Variants in FHOD3 observed in about 807,000 individuals in gnomAD.
The protein encoded by FHOD3 is formin homology 2 domain containing 3, also known as FH1/FH2 domain-containing protein 3.
In FHOD3, 90 loss-of-function variants were observed where a neutral mutation model predicts 173.0. The ratio of observed to expected loss-of-function variants is 0.52; its 90% CI spans 0.44 to 0.62. The LOEUF (loss-of-function observed/expected upper bound fraction) is 0.62. Among genes scored for constraint, FHOD3 ranks in the 20% least tolerant of loss-of-function variants. The pLI, the probability that FHOD3 is intolerant of heterozygous loss-of-function variation, is 0.00. For synonymous variants in FHOD3, 828 were observed against 823.0 expected (o/e 1.01, Z -0.10); for missense variants, 1,945 against 2,034.7 (o/e 0.96, Z 0.85).
At chr18:36,670,777 T>C (rs1163793135) in intron 14 of FHOD3, among the ~76,000 whole-genome samples, 1 of 152,224 alleles carries the variant, frequency 6.6e-6, no homozygotes, top group Non-Finnish European at 1.5e-5. Context: ...TGCTGGGTGC[T>C]GGATGTGTTT....
chr18:36,374,620 G>A (rs890921352), intron 3 of FHOD3, among the ~76,000 whole-genome samples: 1 of 152,142 alleles, frequency 6.6e-6, no homozygotes, highest in African/African-American at 2.4e-5. Flanking sequence ...AAATCTAAGA[G>A]GATTCTACTC....
At chr18:36,365,123 G>T (rs188107311) in intron 2 of FHOD3, among the ~76,000 whole-genome samples, 1 of 152,274 alleles carries the variant, frequency 6.6e-6, no homozygotes, top group East Asian at 1.9e-4. Context: ...AGTCCTAAGT[G>T]TAAGGGCCAA....
chr18:36,433,524 C>G (rs1200628101), intron 3 of FHOD3, among the ~76,000 whole-genome samples: 1 of 152,160 alleles, frequency 6.6e-6, no homozygotes, highest in Non-Finnish European at 1.5e-5. Context: ...TTTATTCTAT[C>G]TAGAATATTC....
intron 3 of FHOD3, among the ~76,000 whole-genome samples, chr18:36,411,884 T>C (rs546944932): frequency 2.6e-4 from 40 of 151,106 alleles, no homozygotes; most frequent in South Asian, 4.2e-4. Flanking sequence ...CCACTGGCTT[T>C]TTCTCTTTGG....
At chr18:36,583,498 C>A (rs1056134004) in intron 6 of FHOD3, among the ~76,000 whole-genome samples, 1 of 152,188 alleles carries the variant, frequency 6.6e-6, no homozygotes, top group African/African-American at 2.4e-5. Flanking sequence ...AGGCTTTTGT[C>A]TCAAAGAGGA....
At chr18:36,772,929 C>A (rs142697265) in intron 28 of FHOD3, among the ~76,000 whole-genome samples, 2 of 152,164 alleles carry the variant, frequency 1.3e-5, no homozygotes, top group South Asian at 4.1e-4. Context: ...GTAAAGACAG[C>A]GGAGGGTACC....
chr18:36,745,538 G>A (rs1347140474), intron 23 of FHOD3, among the ~76,000 whole-genome samples: 1 of 152,006 alleles, frequency 6.6e-6, no homozygotes, highest in Non-Finnish European at 1.5e-5. Flanking sequence ...CCACCTTTGC[G>A]AACTCTTTCC....
At chr18:36,554,984 C>T (rs2057816226) in intron 5 of FHOD3, among the ~76,000 whole-genome samples, 1 of 152,080 alleles carries the variant, frequency 6.6e-6, no homozygotes, top group African/African-American at 2.4e-5. Flanking sequence ...ATATCAATTT[C>T]ATCTGTCTTT....
intron 3 of FHOD3, among the ~76,000 whole-genome samples, chr18:36,459,887 C>T (rs1599212375): frequency 6.6e-6 from 1 of 152,114 alleles, no homozygotes; most frequent in Admixed American, 6.5e-5. Context: ...TTCCAGGATT[C>T]TGTCCAGGAC....
intron 24 of FHOD3, among the ~76,000 whole-genome samples, chr18:36,754,864 G>T (rs1034692046): frequency 6.6e-6 from 1 of 151,588 alleles, no homozygotes; most frequent in African/African-American, 2.4e-5. Context: ...TCCATCAGTG[G>T]GAAAGTGAGT....
chr18:36,613,025 G>C (rs2032849242), intron 9 of FHOD3, among the ~76,000 whole-genome samples: 1 of 152,212 alleles, frequency 6.6e-6, no homozygotes, highest in South Asian at 2.1e-4. Flanking sequence ...GAAGGTAACA[G>C]GGTAAGAAAG....
intron 5 of FHOD3, among the ~76,000 whole-genome samples, chr18:36,540,098 T>TG (rs2057148152): frequency 6.6e-6 from 1 of 151,954 alleles, no homozygotes; most frequent in African/African-American, 2.4e-5. Context: ...AATGCAGGCG[T>TG]GGGGTGGAGG....
intron 16 of FHOD3, among the ~76,000 whole-genome samples, chr18:36,687,461 C>T (rs926332474): frequency 6.6e-6 from 1 of 152,216 alleles, no homozygotes; most frequent in Non-Finnish European, 1.5e-5. Context: ...TGCACCACCA[C>T]TGCTGAGCCT....
At chr18:36,695,766 A>G (rs1452035358) in intron 17 of FHOD3, among the ~76,000 whole-genome samples, 1 of 152,258 alleles carries the variant, frequency 6.6e-6, no homozygotes, top group Non-Finnish European at 1.5e-5. Context: ...ACAGAAATGC[A>G]AAGTTGGTGT....
Position 36,625,585 on chromosome 18 carries a change from C to G in FHOD3, c.1032C>G (p.Ala344=), listed in dbSNP as rs748861033. ...GTGGGTGCCGGGACCGGAGGAGGGC[C>G]AGCGTGTGTTCCAGTGGCGGAGGCG... ...PPSGCRDRRR[A]SVCSSGGGEH... The change falls in exon 10 of 29, where the codon GCC becomes GCG. Residue 344 remains alanine, a synonymous_variant. Transcript: ENST00000590592. 8 of 1,568,776 alleles carry G rather than the reference C, an allele frequency of 5.1e-6. No homozygotes were observed. The African/African-American group carries it at 9.6e-5, about 19-fold the overall frequency.
chr18:36,563,746 C>CTCATGAGTT (rs2058169378), intron 5 of FHOD3, among the ~76,000 whole-genome samples: 1 of 152,144 alleles, frequency 6.6e-6, no homozygotes, highest in South Asian at 2.1e-4. Flanking sequence ...CTTTTCTTTT[C>CTCATGAGTT]TCATGCCCTG....
At chr18:36,678,820 T>A (rs1235136302) in intron 14 of FHOD3, among the ~76,000 whole-genome samples, 1 of 152,216 alleles carries the variant, frequency 6.6e-6, no homozygotes, top group Non-Finnish European at 1.5e-5. Flanking sequence ...GCAAACCCAA[T>A]GTGATTTTGT....
chr18:36,321,040 G>A (rs1243030388), intron 1 of FHOD3, among the ~76,000 whole-genome samples: 1 of 150,596 alleles, frequency 6.6e-6, no homozygotes, highest in Non-Finnish European at 1.5e-5. Flanking sequence ...CACCTCCAGT[G>A]TTCCTTCCTT....
chr18:36,448,261 A>G (rs2144149854), intron 3 of FHOD3, among the ~76,000 whole-genome samples: 1 of 152,330 alleles, frequency 6.6e-6, no homozygotes, highest in East Asian at 1.9e-4. Context: ...AACTAGACAG[A>G]GTCCACTCTG....
Sources: gnomAD v4.1 joint callset for allele counts (sites outside exome capture counted in the v4.1 genomes callset) on GRCh38, gnomAD v4.1.1 for gene constraint, MANE v1.5 for transcripts, NCBI Gene and HGNC (gene_info 2026-07-23, HGNC 2026-07-21) for gene names.